BACE2: variants seen among roughly 807,000 people sequenced by gnomAD.
BACE2 encodes 56 kDa aspartic-like protease.
Under a neutral mutation model 46.2 loss-of-function variants are expected in BACE2, and 17 were observed. The observed-to-expected ratio is 0.37, with a 90% confidence interval of 0.25 to 0.55. The LOEUF is 0.55. Among genes scored for constraint, BACE2 ranks in the 20% least tolerant of loss-of-function variants. BACE2 has a pLI of 0.82. For synonymous variants in BACE2, 277 were observed against 295.9 expected, an observed-to-expected ratio of 0.94 and a Z score of 0.66; for missense variants, 595 against 698.1, an observed-to-expected ratio of 0.85 and a Z score of 1.66.
At chr21:41,255,990 T>C (rs1987776639) in intron 7 of BACE2, among the ~76,000 whole-genome samples, 1 of 152,238 alleles carries the variant, frequency 6.6e-6, no homozygotes, top group South Asian at 2.1e-4. Context: ...CTACATTGTA[T>C]AGAGAATCCC....
chr21:41,241,613 G>A (rs1987289218), intron 3 of BACE2: 1 of 552,988 alleles, frequency 1.8e-6, no homozygotes, highest in Non-Finnish European at 3.2e-6. Flanking sequence ...ACAGAGCCGT[G>A]CCCAAAGGAA....
intron 1 of BACE2, among the ~76,000 whole-genome samples, chr21:41,202,280 A>T (rs1215546727): frequency 6.6e-6 from 1 of 152,206 alleles, no homozygotes; most frequent in Non-Finnish European, 1.5e-5. Flanking sequence ...TTGAGATGCT[A>T]CCATGATGAG....
At chr21:41,225,227 C>G (rs2123572095) in intron 1 of BACE2, among the ~76,000 whole-genome samples, 1 of 144,224 alleles carries the variant, frequency 6.9e-6, no homozygotes, top group South Asian at 2.2e-4. Flanking sequence ...GAGCGAGACT[C>G]CATCTCAAAA....
At chr21:41,247,347 A>G (rs8127120) in intron 6 of BACE2, among the ~76,000 whole-genome samples, 18,809 of 152,278 alleles carry the variant, frequency 0.12, 1,299 homozygotes, top group African/African-American at 0.17. Context: ...CCACTGGCGC[A>G]GCTGCAGCTG....
intron 1 of BACE2, among the ~76,000 whole-genome samples, chr21:41,199,529 T>G (rs916041669): frequency 2.6e-5 from 4 of 152,136 alleles, no homozygotes; most frequent in Non-Finnish European, 5.9e-5. Flanking sequence ...GAGTGGTTGG[T>G]TGCCCAAGGA....
chr21:41,267,850 T>G (rs983660487), intron 8 of BACE2, among the ~76,000 whole-genome samples: 2 of 152,204 alleles, frequency 1.3e-5, no homozygotes, highest in Non-Finnish European at 2.9e-5. Context: ...AATGTTTTTC[T>G]AAGTAAACCA....
intron 1 of BACE2, among the ~76,000 whole-genome samples, chr21:41,202,368 C>T (rs1985991895): frequency 6.6e-6 from 1 of 152,206 alleles, no homozygotes; most frequent in African/African-American, 2.4e-5. Flanking sequence ...ACCTCCACCC[C>T]AGAGGGATGC....
intron 1 of BACE2, among the ~76,000 whole-genome samples, chr21:41,213,896 A>G (rs1986374953): frequency 6.6e-6 from 1 of 152,128 alleles, no homozygotes; most frequent in African/African-American, 2.4e-5. Context: ...ATTGCTCCAG[A>G]ATCAGCCATT....
rs150772833 is a variant in BACE2 at position 41,241,232 on chromosome 21, G to A, written c.619-587G>A. On this transcript the variant is annotated intron_variant, in intron 3 of 8. Transcript: ENST00000330333. Reference sequence around the variant, plus strand: ...ACGAGGGCTTCTGAAATCTGGCCTTGGGGGAATAAGAAGCCTTTTATGCTT... The same window carrying A: ...ACGAGGGCTTCTGAAATCTGGCCTTAGGGGAATAAGAAGCCTTTTATGCTT... Among the ~76,000 whole-genome samples, 79 of 152,276 alleles carry A rather than the reference G, an allele frequency of 5.2e-4. 1 individual carries two copies. The highest frequency in any genetic ancestry group is 1.8e-3 in the African/African-American group (74 of 41,550).
At chr21:41,257,626 C>T (rs531982687) in intron 8 of BACE2, among the ~76,000 whole-genome samples, 11 of 152,196 alleles carry the variant, frequency 7.2e-5, no homozygotes, top group African/African-American at 2.6e-4. Flanking sequence ...TGCAATTTTT[C>T]GACAGTTTAA....
chr21:41,197,267 T>C (rs1272586684), intron 1 of BACE2, among the ~76,000 whole-genome samples: 1 of 106,278 alleles, frequency 9.4e-6, no homozygotes, highest in African/African-American at 3.3e-5. Context: ...GCCAGCCAGG[T>C]TTTTTTTGTT....
chr21:41,172,669 A>G (rs75821830), intron 1 of BACE2, among the ~76,000 whole-genome samples: 2,871 of 152,298 alleles, frequency 0.019, 78 homozygotes, highest in African/African-American at 0.062. Context: ...ATGTGGTTTG[A>G]CAGGAAGCAT....
chr21:41,168,284 G>C lies in BACE2; in HGVS notation c.21G>C (p.Ala7=), dbSNP rs1483479384. 7.2e-6 allele frequency: 9 copies of C among 1,242,840 alleles called. No individual in the cohort carries two copies. Among genetic ancestry groups the C allele is most frequent in the Non-Finnish European group, 9.0e-6 (9 of 995,466 alleles). 77.0% of individuals were successfully genotyped at this position (1,242,840 alleles called of 1,614,324 possible). A position where few individuals can be genotyped will look rare whatever the true frequency, so the allele number is the denominator to read the frequency against. Residue 7 remains alanine, a synonymous_variant, in exon 1 of 9, where the codon GCG becomes GCC. Transcript: ENST00000330333. ...TGGGCATGGGCGCACTGGCCCGGGC[G>C]CTGCTGCTGCCTCTGCTGGCCCAGT... MGALAR[A]LLLPLLAQWL...
chr21:41,261,892 A>G lies in BACE2; in HGVS notation c.1303+4566A>G, dbSNP rs755433935. Among the ~76,000 whole-genome samples the G allele has an allele frequency of 7.2e-4, 110 of 152,292 alleles. 1 individual carries two copies. Among genetic ancestry groups the G allele is most frequent in the Non-Finnish European group, 1.3e-3 (85 of 67,986 alleles). On this transcript the variant is annotated intron_variant, in intron 8 of 8. Coordinates refer to ENST00000330333, the MANE Select transcript of BACE2 (RefSeq NM_012105.5). ...AACCATCTAGATTTAGTAACTTTTA[A>G]CATTTTGCCATATACCAGTATGTGT...
chr21:41,261,426 A>G (rs1311605353), intron 8 of BACE2, among the ~76,000 whole-genome samples: 1 of 152,150 alleles, frequency 6.6e-6, no homozygotes, highest in Non-Finnish European at 1.5e-5. Flanking sequence ...CTACTAATAT[A>G]GTGTGCACAT....
chr21:41,200,625 A>G (rs992089360), intron 1 of BACE2, among the ~76,000 whole-genome samples: 4 of 152,162 alleles, frequency 2.6e-5, no homozygotes, highest in African/African-American at 9.7e-5. Context: ...AAATATGACT[A>G]TCTTTGGAGA....
intron 4 of BACE2, among the ~76,000 whole-genome samples, chr21:41,242,359 A>T (rs202119456): frequency 6.8e-6 from 1 of 146,908 alleles, no homozygotes; most frequent in Non-Finnish European, 1.5e-5. Context: ...CTCTCTCTCA[A>T]CACACACAGG....
At chr21:41,240,764 A>G (rs560827263) in intron 3 of BACE2, among the ~76,000 whole-genome samples, 1 of 152,312 alleles carries the variant, frequency 6.6e-6, no homozygotes, top group East Asian at 1.9e-4. Flanking sequence ...TCTGCCTCGG[A>G]ATTCTGCAGA....
chr21:41,209,217 G>T (rs1016967769), intron 1 of BACE2, among the ~76,000 whole-genome samples: 1 of 152,248 alleles, frequency 6.6e-6, no homozygotes, highest in Non-Finnish European at 1.5e-5. Context: ...GACTGCAGGT[G>T]CCTGCGCCTT....
Sources: allele counts gnomAD v4.1 joint callset (sites outside exome capture counted in the v4.1 genomes callset), GRCh38; gene constraint gnomAD v4.1.1; transcripts MANE v1.5; gene names NCBI Gene and HGNC (gene_info 2026-07-23, HGNC 2026-07-21).